The following FGD6 variants were observed in gnomAD, a reference collection of about 807,000 sequenced individuals.
FGD6 encodes the protein FYVE, RhoGEF and PH domain containing 6.
A neutral mutation model predicts 149.4 loss-of-function variants in FGD6; 90 were observed. That is an observed-to-expected ratio of 0.60 (90% CI 0.51 to 0.72). FGD6 has a LOEUF of 0.72. FGD6 is among the 30% of genes least tolerant of loss of function. The pLI is 0.00. For synonymous variants in FGD6, 527 were observed against 584.0 expected (o/e 0.90, Z 1.41); for missense variants, 1,437 against 1,684.8 (o/e 0.85, Z 2.57).
At chr12:95,207,666 C>A (rs1172622184) in intron 2 of FGD6, among the ~76,000 whole-genome samples, 1 of 152,200 alleles carries the variant, frequency 6.6e-6, no homozygotes, top group Non-Finnish European at 1.5e-5. Context: ...TTCTACTAGG[C>A]CTCTTGCTTG....
chr12:95,131,117 T>G (rs1879509253), intron 8 of FGD6, among the ~76,000 whole-genome samples: 2 of 150,664 alleles, frequency 1.3e-5, no homozygotes, highest in Non-Finnish European at 3.0e-5. Context: ...AGTTTTTTTT[T>G]TTTTTTTTTT....
intron 1 of FGD6, among the ~76,000 whole-genome samples, chr12:95,214,085 C>T (rs886476020): frequency 6.6e-6 from 1 of 152,116 alleles, no homozygotes; most frequent in Non-Finnish European, 1.5e-5. Context: ...CTGTCTCCTG[C>T]GTTGATGTTT....
In FGD6 at chr12:95,081,443, A is replaced by T; in HGVS notation, c.*77T>A. 1 of 1,297,610 alleles carries T rather than the reference A, an allele frequency of 7.7e-7. No homozygotes were observed. 80.4% of individuals were successfully genotyped at this position (1,297,610 alleles called of 1,614,324 possible). ...ATCTTGGCAGTGTTCATTTTTATAC[A>T]ATTTTTGAATTGCATTTACTCCATT... On this transcript the variant is annotated 3_prime_UTR_variant, in exon 21 of 21. Transcript: ENST00000343958.
intron 11 of FGD6, 47 bp downstream of exon 11, chr12:95,108,301 C>A: frequency 6.6e-7 from 1 of 1,525,792 alleles, no homozygotes; most frequent in South Asian, 1.2e-5. Context: ...CAGATGGTAC[C>A]TAAATGCATC....
intron 14 of FGD6, among the ~76,000 whole-genome samples, chr12:95,097,594 C>T (rs957275444): frequency 6.9e-6 from 1 of 144,006 alleles, no homozygotes; most frequent in Admixed American, 7.4e-5. Flanking sequence ...TGAGATTGTG[C>T]CACTGCACTC....
chr12:95,215,809 C>T (rs555699986), intron 1 of FGD6, among the ~76,000 whole-genome samples: 5 of 152,104 alleles, frequency 3.3e-5, no homozygotes, highest in Non-Finnish European at 5.9e-5. Flanking sequence ...ACTGTTAAGA[C>T]TGGAATTGAA....
chr12:95,122,645 C>CAAAAAAAAA lies in FGD6; in HGVS notation c.3083-8953_3083-8945dup. Among the ~76,000 whole-genome samples, 2 of 64,422 alleles carry CAAAAAAAAA rather than the reference C, an allele frequency of 3.1e-5. 1 individual carries two copies. Among genetic ancestry groups the CAAAAAAAAA allele is most frequent in the Non-Finnish European group, 5.4e-5 (2 of 37,082 alleles). The allele number at this position is 64,422 out of a possible 152,430, so 42.3% of individuals were successfully genotyped here. On this transcript the variant is annotated intron_variant, in intron 8 of 20. Transcript: ENST00000343958. ...TGGGCAACAGAGCGAGACTCAGTCTCAAAAAAAAAAAAAAAAAAAAAAAAG... is the reference window on the plus strand; with the variant it reads ...TGGGCAACAGAGCGAGACTCAGTCTCAAAAAAAAAAAAAAAAAAAAAAAAAAAAAAAAAG...
At chr12:95,169,777 G>T (rs561613233) in intron 3 of FGD6, among the ~76,000 whole-genome samples, 4 of 152,258 alleles carry the variant, frequency 2.6e-5, no homozygotes, top group African/African-American at 9.6e-5. Flanking sequence ...AAAAAACTTG[G>T]GAGTTGCTTT....
At position 95,094,709 on chromosome 12, in the gene FGD6, AG is replaced by A. The variant is rs755113638; in HGVS notation, c.3498-16del. 2 of 1,575,736 alleles carry A rather than the reference AG, an allele frequency of 1.3e-6. No homozygotes were observed. The highest frequency in any genetic ancestry group is 1.7e-6 in the Non-Finnish European group (2 of 1,149,290). ...CTGTGGCAGAACTGTTGGGGGCAAA[AG>A]GTTTCATCAACCAGATGTCAGTTTT... On this transcript the variant is annotated splice_polypyrimidine_tract_variant and intron_variant, in intron 14 of 20. Transcript: ENST00000343958.
At chr12:95,139,509 G>C (rs1403750001) in intron 6 of FGD6, among the ~76,000 whole-genome samples, 1 of 149,610 alleles carries the variant, frequency 6.7e-6, no homozygotes, top group East Asian at 1.9e-4. Context: ...AAAAAGATTT[G>C]TTTTTTAGTA....
intron 3 of FGD6, among the ~76,000 whole-genome samples, chr12:95,158,587 A>G (rs1245984422): frequency 6.6e-6 from 1 of 152,174 alleles, no homozygotes; most frequent in Non-Finnish European, 1.5e-5. Context: ...GTGTCTACAC[A>G]CACATACACA....
At chr12:95,164,404 C>A (rs1880737339) in intron 3 of FGD6, among the ~76,000 whole-genome samples, 1 of 151,800 alleles carries the variant, frequency 6.6e-6, no homozygotes, top group Non-Finnish European at 1.5e-5. Context: ...TATGTGTTCA[C>A]TACAAGTGAC....
chr12:95,140,572 G>A (rs576902562), intron 6 of FGD6, among the ~76,000 whole-genome samples: 2 of 152,132 alleles, frequency 1.3e-5, no homozygotes, highest in South Asian at 2.1e-4. Flanking sequence ...AGCTGCGATC[G>A]TGCCATTGCA....
chr12:95,142,092 C>T (rs1446391710), intron 5 of FGD6, among the ~76,000 whole-genome samples: 2 of 151,176 alleles, frequency 1.3e-5, no homozygotes, highest in Non-Finnish European at 2.9e-5. Flanking sequence ...GGCAACTTCC[C>T]GAGTAGCTGG....
Position 95,105,100 on chromosome 12 carries a change from C to A in FGD6, c.3418-14G>T. ...AGGTTTTCTGACCTGGAAGAAAGCA[C>A]AACAATTTGAGCCGACTCATCCTAC... On this transcript the variant is annotated splice_polypyrimidine_tract_variant and intron_variant, in intron 13 of 20. Coordinates refer to ENST00000343958, the MANE Select transcript of FGD6 (RefSeq NM_018351.4). The A allele has an allele frequency of 6.3e-7, 1 of 1,595,742 alleles. No individual in the cohort carries two copies.
At chr12:95,133,189 C>G (rs186946306) in intron 8 of FGD6, among the ~76,000 whole-genome samples, 1 of 152,084 alleles carries the variant, frequency 6.6e-6, no homozygotes, top group Non-Finnish European at 1.5e-5. Flanking sequence ...AGGCCAAGGT[C>G]GGCAGATCAC....
intron 3 of FGD6, among the ~76,000 whole-genome samples, chr12:95,168,529 G>A (rs1880893215): frequency 6.6e-6 from 1 of 152,190 alleles, no homozygotes; most frequent in African/African-American, 2.4e-5. Flanking sequence ...TGGGTGTAGT[G>A]GCGCATGCCT....
In FGD6 at chr12:95,217,365, C is replaced by A; in HGVS notation, c.-125G>T. 3 of 1,341,830 alleles carry A rather than the reference C, an allele frequency of 2.2e-6. No individual in the cohort carries two copies. Among genetic ancestry groups the A allele is most frequent in the Non-Finnish European group, 2.9e-6 (3 of 1,019,396 alleles). 83.1% of individuals were successfully genotyped at this position (1,341,830 alleles called of 1,614,324 possible). A position where few individuals can be genotyped will look rare whatever the true frequency, so the allele number is the denominator to read the frequency against. On this transcript the variant is annotated 5_prime_UTR_variant, in exon 1 of 21. Transcript: ENST00000343958. ...CAGCGCCCACATTCCGTCCCGCCGC[C>A]CCGCGGCGCAGCCTGAGCGCCACAC...
chr12:95,145,130 G>A (rs1879974164), intron 5 of FGD6, among the ~76,000 whole-genome samples: 1 of 151,070 alleles, frequency 6.6e-6, no homozygotes, highest in Admixed American at 6.6e-5. Context: ...TGGGATTATA[G>A]GTGTGTGCCA....
Sources: gnomAD v4.1 joint callset for allele counts (sites outside exome capture counted in the v4.1 genomes callset) on GRCh38, gnomAD v4.1.1 for gene constraint, MANE v1.5 for transcripts, NCBI Gene and HGNC (gene_info 2026-07-23, HGNC 2026-07-21) for gene names.